The following DAB1 variants were observed in gnomAD, a reference collection of about 807,000 sequenced individuals.
The protein encoded by DAB1 is DAB adaptor protein 1, also known as disabled homolog 1.
A neutral mutation model predicts 64.6 loss-of-function variants in DAB1; 15 were observed. The ratio of observed to expected loss-of-function variants is 0.23; its 90% CI spans 0.16 to 0.36. The LOEUF (loss-of-function observed/expected upper bound fraction) is 0.36. Among genes scored for constraint, DAB1 ranks in the 10% least tolerant of loss-of-function variants. The pLI, the probability that DAB1 is intolerant of heterozygous loss-of-function variation, is 1.00. For missense variants in DAB1, 596 were observed against 706.7 expected, an observed-to-expected ratio of 0.84 and a Z score of 1.78; for synonymous variants, 235 against 251.9, an observed-to-expected ratio of 0.93 and a Z score of 0.64.
intron 1 of DAB1, among the ~76,000 whole-genome samples, chr1:57,329,339 G>A (rs555192334): frequency 5.3e-5 from 8 of 152,282 alleles, no homozygotes; most frequent in African/African-American, 1.9e-4. Flanking sequence ...CCCATGACAT[G>A]AGCTAAATGG....
intron 6 of DAB1, among the ~76,000 whole-genome samples, chr1:57,793,877 C>T (rs1650719605): frequency 6.6e-6 from 1 of 152,168 alleles, no homozygotes; most frequent in South Asian, 2.1e-4. Context: ...CTCAGTGTGT[C>T]TCATGACTAG....
intron 7 of DAB1, among the ~76,000 whole-genome samples, chr1:57,535,018 C>A (rs563385402): frequency 6.6e-6 from 1 of 152,174 alleles, no homozygotes; most frequent in Non-Finnish European, 1.5e-5. Context: ...CATCCCCAAG[C>A]CTCTTGCATA....
At chr1:57,798,095 G>A (rs7544843) in intron 6 of DAB1, among the ~76,000 whole-genome samples, 57,930 of 151,898 alleles carry the variant, frequency 0.38, 11,430 homozygotes, top group South Asian at 0.49. Flanking sequence ...CTAAATAGCA[G>A]GCCCAAGTCA....
chr1:57,473,110 G>C (rs1687200141), intron 7 of DAB1, among the ~76,000 whole-genome samples: 1 of 152,196 alleles, frequency 6.6e-6, no homozygotes. Context: ...CACCATGATT[G>C]TATGTATAGC....
chr1:57,492,784 T>C (rs1644180146), intron 7 of DAB1, among the ~76,000 whole-genome samples: 1 of 152,172 alleles, frequency 6.6e-6, no homozygotes, highest in Non-Finnish European at 1.5e-5. Context: ...CAGTCACAAA[T>C]GACTTTTTGC....
chr1:57,557,222 G>A (rs1288626377), intron 7 of DAB1, among the ~76,000 whole-genome samples: 2 of 152,106 alleles, frequency 1.3e-5, no homozygotes, highest in East Asian at 1.9e-4. Context: ...GCAAAAATAT[G>A]TGAAAAGAGA....
intron 4 of DAB1, among the ~76,000 whole-genome samples, chr1:57,123,759 T>C (rs1177520129): frequency 6.6e-6 from 1 of 152,132 alleles, no homozygotes; most frequent in Non-Finnish European, 1.5e-5. Flanking sequence ...GAAGAATAAT[T>C]AGTGGAAAAA....
intron 7 of DAB1, among the ~76,000 whole-genome samples, chr1:57,463,010 C>T (rs889621566): frequency 2.0e-5 from 3 of 151,942 alleles, no homozygotes; most frequent in African/African-American, 7.3e-5. Context: ...ATTAGATCTA[C>T]AAGAAAAGAA....
intron 7 of DAB1, among the ~76,000 whole-genome samples, chr1:57,514,189 T>C (rs1558450684): frequency 6.6e-6 from 1 of 152,240 alleles, no homozygotes; most frequent in Non-Finnish European, 1.5e-5. Context: ...TCAATTCTTT[T>C]GGCTACAAAC....
intron 2 of DAB1, among the ~76,000 whole-genome samples, chr1:57,205,009 C>A (rs561778882): frequency 1.3e-5 from 2 of 152,282 alleles, no homozygotes; most frequent in South Asian, 4.1e-4. Flanking sequence ...GAAAATAAGG[C>A]TGTTTTGTGG....
At chr1:57,200,768 C>T (rs1027410558) in intron 2 of DAB1, among the ~76,000 whole-genome samples, 18 of 152,068 alleles carry the variant, frequency 1.2e-4, no homozygotes, top group African/African-American at 3.6e-4. Context: ...AATAAATTGG[C>T]AAGTTTATAG....
At position 58,229,619 on chromosome 1, in the gene DAB1, C is replaced by T. The variant is rs561433086; in HGVS notation, n.310-79031G>A. ...CCCAAAGGGAAGTTAGTACTAAATT[C>T]TAAAGGAGGAATAAGAGAGTACCAA... On this transcript the variant is annotated intron_variant and non_coding_transcript_variant, in intron 4 of 20. Coordinates refer to the DAB1 transcript ENST00000485760. Among the ~76,000 whole-genome samples, 32 of 152,154 alleles carry T rather than the reference C, an allele frequency of 2.1e-4. No individual in the cohort carries two copies. The South Asian group carries it at 3.1e-3, about 15-fold the overall frequency.
intron 4 of DAB1, among the ~76,000 whole-genome samples, chr1:58,217,915 T>A (rs1658940963): frequency 6.6e-6 from 1 of 152,148 alleles, no homozygotes; most frequent in Non-Finnish European, 1.5e-5. Context: ...AGAGGTACTA[T>A]ATCAGCTTTA....
At chr1:58,508,610 C>T (rs1646026041) in intron 2 of DAB1, among the ~76,000 whole-genome samples, 1 of 152,152 alleles carries the variant, frequency 6.6e-6, no homozygotes, top group African/African-American at 2.4e-5. Flanking sequence ...GAAGGAAAAA[C>T]TTGGCTTGTG....
chr1:57,700,253 C>A (rs1570750324), intron 6 of DAB1, among the ~76,000 whole-genome samples: 1 of 152,068 alleles, frequency 6.6e-6, no homozygotes, highest in East Asian at 1.9e-4. Context: ...TTCCTAGTTA[C>A]CATTATCATA....
chr1:58,406,446 G>A (rs921870067), intron 3 of DAB1, among the ~76,000 whole-genome samples: 1 of 152,230 alleles, frequency 6.6e-6, no homozygotes, highest in East Asian at 1.9e-4. Flanking sequence ...CCTGCTTAAC[G>A]AGGACATGAT....
chr1:57,181,883 T>C (rs1479248302), intron 2 of DAB1, among the ~76,000 whole-genome samples: 1 of 152,100 alleles, frequency 6.6e-6, no homozygotes, highest in African/African-American at 2.4e-5. Flanking sequence ...GTTTTTTGTT[T>C]TGTTTGTTTT....
In DAB1 at chr1:57,105,503, C is replaced by T. The variant is rs186436225; in HGVS notation, c.306+31040G>A. Among the ~76,000 whole-genome samples, 28 of 152,212 alleles carry T rather than the reference C, an allele frequency of 1.8e-4. No homozygotes were observed. In the East Asian group the frequency reaches 5.2e-3, roughly 28 times the overall value. On this transcript the variant is annotated intron_variant, in intron 4 of 14. Coordinates refer to ENST00000371236, the MANE Select transcript of DAB1 (RefSeq NM_001365792.1). ...AGGTGCCTGTCACATTGTGTTATTA[C>T]AATTCTGTATTTCAATTAAAGCAAT...
intron 5 of DAB1, among the ~76,000 whole-genome samples, chr1:58,137,116 CTCTA>C (rs1394597384): frequency 1.3e-5 from 2 of 152,088 alleles, no homozygotes; most frequent in Non-Finnish European, 2.9e-5. Flanking sequence ...TTACATATAC[CTCTA>C]TCTATTTTTA....
Sources: gnomAD v4.1 joint callset for allele counts (sites outside exome capture counted in the v4.1 genomes callset) on GRCh38, gnomAD v4.1.1 for gene constraint, MANE v1.5 for transcripts, NCBI Gene and HGNC (gene_info 2026-07-23, HGNC 2026-07-21) for gene names.